MAP4K3: variants seen among roughly 807,000 people sequenced by gnomAD.
MAP4K3 encodes MAPK/ERK kinase kinase kinase 3.
Under a neutral mutation model 143.5 loss-of-function variants are expected in MAP4K3, and 94 were observed. That is an observed-to-expected ratio of 0.65 (90% CI 0.55 to 0.78). The LOEUF (loss-of-function observed/expected upper bound fraction) is 0.78. Ranked by LOEUF, MAP4K3 falls within the 30% of genes least tolerant of loss-of-function variation. The probability of loss-of-function intolerance (pLI) is 0.00; values close to 1 mark genes in which losing one functional copy is unlikely to be tolerated. For missense variants in MAP4K3, 1,077 were observed against 1,068.1 expected, an observed-to-expected ratio of 1.01 and a Z score of -0.12; for synonymous variants, 416 against 347.2, an observed-to-expected ratio of 1.20 and a Z score of -2.20.
At chr2:39,391,558 T>C (rs1023322028) in intron 1 of MAP4K3, among the ~76,000 whole-genome samples, 1 of 151,960 alleles carries the variant, frequency 6.6e-6, no homozygotes, top group Non-Finnish European at 1.5e-5. Context: ...TAATAGAAAA[T>C]TTAGGATTTA....
intron 1 of MAP4K3, among the ~76,000 whole-genome samples, chr2:39,385,527 TCTTA>T (rs1361622153): frequency 6.9e-6 from 1 of 144,480 alleles, no homozygotes; most frequent in African/African-American, 2.6e-5. Flanking sequence ...ATATTTATTT[TCTTA>T]CTGAGTTATG....
chr2:39,354,134 C>T (rs550378411), intron 3 of MAP4K3, among the ~76,000 whole-genome samples: 1 of 152,188 alleles, frequency 6.6e-6, no homozygotes, highest in East Asian at 1.9e-4. Flanking sequence ...CATGGTGAAA[C>T]ACCGTCTCTA....
chr2:39,282,691 A>G, intron 21 of MAP4K3, 137 bp from the exon 22 acceptor site: 5 of 624,336 alleles, frequency 8.0e-6, no homozygotes, highest in Non-Finnish European at 1.1e-5. Flanking sequence ...TTAAGGCTGA[A>G]GTTCCCCATA....
intron 20 of MAP4K3, among the ~76,000 whole-genome samples, chr2:39,287,298 C>CTTT (rs11413828): frequency 4.7e-5 from 7 of 147,400 alleles, no homozygotes; most frequent in Non-Finnish European, 7.5e-5. Flanking sequence ...TTTAGTTGCT[C>CTTT]TTTTTTTTTT....
At chr2:39,332,400 T>C (rs554921770) in intron 7 of MAP4K3, among the ~76,000 whole-genome samples, 9 of 152,202 alleles carry the variant, frequency 5.9e-5, no homozygotes, top group South Asian at 4.1e-4. Context: ...ATACCCATGA[T>C]TGACATCAGA....
chr2:39,284,911 G>C (rs1312068272), intron 21 of MAP4K3, among the ~76,000 whole-genome samples: 2 of 151,648 alleles, frequency 1.3e-5, no homozygotes, highest in African/African-American at 2.4e-5. Flanking sequence ...TTTTTTTAGA[G>C]ATATGGTCTT....
At chr2:39,364,982 GTTAA>G (rs1375497332) in intron 2 of MAP4K3, among the ~76,000 whole-genome samples, 1 of 151,890 alleles carries the variant, frequency 6.6e-6, no homozygotes, top group Non-Finnish European at 1.5e-5. Flanking sequence ...GCCAGACTCA[GTTAA>G]TTCTCTCCTG....
chr2:39,308,138 T>C (rs1251023941), intron 14 of MAP4K3, 133 bp from the exon 15 acceptor site: 7 of 479,030 alleles, frequency 1.5e-5, no homozygotes, highest in Non-Finnish European at 2.5e-5. Flanking sequence ...AGAGTCAAAC[T>C]GTATTAGGCA....
intron 1 of MAP4K3, among the ~76,000 whole-genome samples, chr2:39,432,757 G>A (rs1665329786): frequency 6.6e-6 from 1 of 152,076 alleles, no homozygotes; most frequent in Non-Finnish European, 1.5e-5. Flanking sequence ...ATATAAATTG[G>A]TTTCCTTATT....
In MAP4K3 at chr2:39,265,274, A is replaced by G. The variant is rs1194538214; in HGVS notation, c.2065T>C (p.Cys689Arg). The G allele has an allele frequency of 1.2e-6, 2 of 1,613,266 alleles. No individual in the cohort carries two copies. Among genetic ancestry groups the G allele is most frequent in the South Asian group, 1.1e-5 (1 of 91,040 alleles). ...ACAATGCTAGTCTGAAGTGCTCCAC[A>G]TAGGTATTTATGGCCCGTGTAAGGA... ...RNPYTGHKYLCGALQTSIVLL... is the reference protein window; with the variant it reads ...RNPYTGHKYLRGALQTSIVLL... The change falls in exon 28 of 34, where the codon TGT becomes CGT. Residue 689 changes from cysteine to arginine, a missense_variant. Cys to Arg is a radical substitution (Grantham distance 180). Coordinates refer to ENST00000263881, the MANE Select transcript of MAP4K3 (RefSeq NM_003618.4).
chr2:39,262,317 GGCT>G (rs1386166337), intron 28 of MAP4K3, among the ~76,000 whole-genome samples: 2 of 152,132 alleles, frequency 1.3e-5, no homozygotes, highest in Non-Finnish European at 2.9e-5. Flanking sequence ...CTTTCCCTGT[GGCT>G]GCTAAAGTGC....
At chr2:39,345,917 G>C (rs1459101126) in intron 3 of MAP4K3, among the ~76,000 whole-genome samples, 2 of 83,318 alleles carry the variant, frequency 2.4e-5, no homozygotes, top group Non-Finnish European at 4.0e-5. Flanking sequence ...GCTAGACTCT[G>C]TCTCAAAAAA....
intron 23 of MAP4K3, among the ~76,000 whole-genome samples, chr2:39,279,088 G>T (rs1276251768): frequency 6.6e-6 from 1 of 152,034 alleles, no homozygotes; most frequent in Non-Finnish European, 1.5e-5. Flanking sequence ...TTATTAAAAA[G>T]ACTTTAGAAC....
chr2:39,407,271 T>C (rs1017144778), intron 1 of MAP4K3, among the ~76,000 whole-genome samples: 4 of 151,334 alleles, frequency 2.6e-5, no homozygotes, highest in African/African-American at 9.7e-5. Context: ...AAGGAAATGG[T>C]GAAAGCCTAA....
chr2:39,391,027 G>C (rs1018154049), intron 1 of MAP4K3, among the ~76,000 whole-genome samples: 1 of 151,444 alleles, frequency 6.6e-6, no homozygotes, highest in Non-Finnish European at 1.5e-5. Context: ...ATATATTCTG[G>C]AAAAAAAAGA....
intron 3 of MAP4K3, among the ~76,000 whole-genome samples, chr2:39,346,451 T>C (rs953455864): frequency 3.9e-5 from 6 of 152,256 alleles, no homozygotes; most frequent in African/African-American, 7.2e-5. Context: ...TTGATTCATT[T>C]CCCTTTGTTT....
chr2:39,381,488 T>C lies in MAP4K3; in HGVS notation c.97-3365A>G, dbSNP rs562249700. On this transcript the variant is annotated intron_variant, in intron 1 of 33. Transcript: ENST00000263881. ...ACACAAAACCTTTTCATTTTGATGATGTCCAACTTAACTAATTTTTGTTTC... is the reference window on the plus strand; with the variant it reads ...ACACAAAACCTTTTCATTTTGATGACGTCCAACTTAACTAATTTTTGTTTC... Among the ~76,000 whole-genome samples the C allele has an allele frequency of 6.6e-5, 10 of 152,330 alleles. No individual in the cohort carries two copies. The East Asian group carries it at 1.5e-3, about 24-fold the overall frequency.
chr2:39,414,935 A>G (rs113612043), intron 1 of MAP4K3, among the ~76,000 whole-genome samples: 38 of 152,296 alleles, frequency 2.5e-4, no homozygotes, highest in African/African-American at 8.9e-4. Context: ...AAAGCCAAGT[A>G]TTATGTAAAA....
chr2:39,305,841 T>A (rs550630449), intron 15 of MAP4K3, among the ~76,000 whole-genome samples: 1 of 152,268 alleles, frequency 6.6e-6, no homozygotes, highest in South Asian at 2.1e-4. Flanking sequence ...TTTTTTTTTT[T>A]TTTTTTAAAG....
Sources: allele counts gnomAD v4.1 joint callset (sites outside exome capture counted in the v4.1 genomes callset), GRCh38; gene constraint gnomAD v4.1.1; transcripts MANE v1.5; gene names NCBI Gene and HGNC (gene_info 2026-07-23, HGNC 2026-07-21).